CNTNAP4: variants seen among roughly 807,000 people sequenced by gnomAD.
CNTNAP4 encodes the protein contactin associated protein family member 4.
CNTNAP4 carries 98 observed loss-of-function variants against 148.4 expected under a neutral mutation model. The ratio of observed to expected loss-of-function variants is 0.66; its 90% CI spans 0.56 to 0.78. CNTNAP4 has a LOEUF of 0.78. Ranked by LOEUF, CNTNAP4 falls within the 30% of genes least tolerant of loss-of-function variation. The probability of loss-of-function intolerance (pLI) is 0.00; values close to 1 mark genes in which losing one functional copy is unlikely to be tolerated. For synonymous variants in CNTNAP4, 730 were observed against 565.1 expected (o/e 1.29, Z -4.14); for missense variants, 1,935 against 1,565.6 (o/e 1.24, Z -3.98).
chr16:76,539,359 A>G (rs986255269), intron 19 of CNTNAP4, among the ~76,000 whole-genome samples: 1 of 152,086 alleles, frequency 6.6e-6, no homozygotes, highest in Non-Finnish European at 1.5e-5. Flanking sequence ...TATATTTTTT[A>G]AATATAGGAA....
intron 4 of CNTNAP4, among the ~76,000 whole-genome samples, chr16:76,442,404 T>G (rs2080080799): frequency 6.6e-6 from 1 of 152,162 alleles, no homozygotes; most frequent in Non-Finnish European, 1.5e-5. Context: ...TTTACAACAA[T>G]AATAGGAAGC....
chr16:76,302,117 A>G (rs1022034868), intron 1 of CNTNAP4, among the ~76,000 whole-genome samples: 2 of 152,138 alleles, frequency 1.3e-5, no homozygotes, highest in African/African-American at 4.8e-5. Context: ...ACCTATAAGT[A>G]GCCAGGGAAG....
At chr16:76,555,805 G>A (rs2085173912) in intron 23 of CNTNAP4, among the ~76,000 whole-genome samples, 1 of 152,184 alleles carries the variant, frequency 6.6e-6, no homozygotes. Flanking sequence ...CAATATGGAA[G>A]GTTTGTAGTT....
At chr16:76,496,709 C>A (rs181142931) in intron 14 of CNTNAP4, among the ~76,000 whole-genome samples, 1 of 152,078 alleles carries the variant, frequency 6.6e-6, no homozygotes, top group East Asian at 1.9e-4. Context: ...AAAATGAAAT[C>A]TTTAAAGAAT....
At chr16:76,477,391 A>G (rs774607375) in intron 11 of CNTNAP4, among the ~76,000 whole-genome samples, 68 of 152,012 alleles carry the variant, frequency 4.5e-4, no homozygotes, top group Non-Finnish European at 8.7e-4. Flanking sequence ...TATATCCTTG[A>G]TTTAAGGTAA....
At chr16:76,351,706 C>T (rs2011790087) in intron 2 of CNTNAP4, among the ~76,000 whole-genome samples, 1 of 152,114 alleles carries the variant, frequency 6.6e-6, no homozygotes, top group African/African-American at 2.4e-5. Context: ...TTGAAATGTT[C>T]AAGGTCAATT....
At chr16:76,494,665 G>A (rs919778903) in intron 13 of CNTNAP4, among the ~76,000 whole-genome samples, 4 of 151,972 alleles carry the variant, frequency 2.6e-5, no homozygotes, top group Non-Finnish European at 4.4e-5. Flanking sequence ...AGGAACTGCT[G>A]GTTTCTTTTC....
At position 76,377,669 on chromosome 16, in the gene CNTNAP4, G is replaced by A. The variant is rs563627009; in HGVS notation, c.390+22158G>A. 8.5e-5 allele frequency among the ~76,000 whole-genome samples: 13 copies of A among 152,286 alleles called. No individual in the cohort carries two copies. In the East Asian group the frequency reaches 2.1e-3, roughly 25 times the overall value. On this transcript the variant is annotated intron_variant, in intron 3 of 23. Transcript: ENST00000611870. Reference sequence around the variant, plus strand: ...GAGGACCTCAGTCTGGAGGGGCAAAGTTTGCTATCACCAGCTGACACTCAT... The same window carrying A: ...GAGGACCTCAGTCTGGAGGGGCAAAATTTGCTATCACCAGCTGACACTCAT...
intron 12 of CNTNAP4, among the ~76,000 whole-genome samples, chr16:76,480,846 G>T (rs1011002839): frequency 2.6e-5 from 4 of 152,100 alleles, no homozygotes; most frequent in Non-Finnish European, 5.9e-5. Flanking sequence ...ACTCAAGCAG[G>T]GTGTTTGTTT....
At chr16:76,493,557 A>G (rs180698721) in intron 13 of CNTNAP4, among the ~76,000 whole-genome samples, 4 of 152,210 alleles carry the variant, frequency 2.6e-5, no homozygotes, top group East Asian at 1.9e-4. Flanking sequence ...TCTATTTTAT[A>G]GGGAAGACAT....
chr16:76,505,871 G>A (rs1281844602), intron 15 of CNTNAP4, among the ~76,000 whole-genome samples: 2 of 96,464 alleles, frequency 2.1e-5, no homozygotes, highest in East Asian at 1.1e-3. Context: ...CTGCACTACA[G>A]CCTGAGCAGC....
chr16:76,409,958 TCTTA>T (rs1371947593), intron 3 of CNTNAP4, among the ~76,000 whole-genome samples: 1 of 152,016 alleles, frequency 6.6e-6, no homozygotes, highest in Non-Finnish European at 1.5e-5. Context: ...AATCTCTTCA[TCTTA>T]CTTAATTTGG....
intron 3 of CNTNAP4, among the ~76,000 whole-genome samples, chr16:76,416,923 A>G (rs571971638): frequency 9.9e-5 from 15 of 151,408 alleles, no homozygotes; most frequent in South Asian, 2.1e-4. Flanking sequence ...TTATTTTACC[A>G]TCTTGGAAAA....
chr16:76,402,553 C>T (rs2078456603), intron 3 of CNTNAP4, among the ~76,000 whole-genome samples: 1 of 152,014 alleles, frequency 6.6e-6, no homozygotes, highest in South Asian at 2.1e-4. Flanking sequence ...TCTTGATTTC[C>T]TTCAGTTTAG....
chr16:76,286,296 A>C (rs1472706310), intron 1 of CNTNAP4, among the ~76,000 whole-genome samples: 2 of 151,680 alleles, frequency 1.3e-5, no homozygotes, highest in Non-Finnish European at 2.9e-5. Context: ...TAGGTGGCAC[A>C]TTTTGAATTA....
intron 1 of CNTNAP4, among the ~76,000 whole-genome samples, chr16:76,279,634 C>T (rs544923557): frequency 9.9e-5 from 15 of 152,194 alleles, no homozygotes; most frequent in South Asian, 2.1e-4. Flanking sequence ...AAAACCTATA[C>T]GATTTTTCAT....
rs1958517557 is a variant in CNTNAP4, at chr16:76,277,449, A to G, written c.-214A>G. 3.7e-6 allele frequency: 2 copies of G among 537,588 alleles called. No homozygotes were observed. The highest frequency in any genetic ancestry group is 6.6e-6 in the Non-Finnish European group (2 of 302,072). 33.3% of individuals were successfully genotyped at this position (537,588 alleles called of 1,614,324 possible). The stretch of plus-strand genomic sequence containing the variant: ...GGTGTGTGTGAGAGAGAGAGAGAAA[A>G]GAGAGAGACAGAGACGGGGAGAGAG... On this transcript the variant is annotated 5_prime_UTR_variant, in exon 1 of 24. Transcript: ENST00000611870.
chr16:76,525,459 A>T (rs985784629), intron 17 of CNTNAP4, among the ~76,000 whole-genome samples: 1 of 149,028 alleles, frequency 6.7e-6, no homozygotes, highest in African/African-American at 2.4e-5. Flanking sequence ...GAAAAAATGT[A>T]TATAATATAG....
At chr16:76,341,797 C>T (rs968085293) in intron 2 of CNTNAP4, among the ~76,000 whole-genome samples, 2 of 151,866 alleles carry the variant, frequency 1.3e-5, no homozygotes, top group Non-Finnish European at 2.9e-5. Context: ...GGATGTAAAG[C>T]AAGAGAAAAT....
Sources: allele counts gnomAD v4.1 joint callset (sites outside exome capture counted in the v4.1 genomes callset), GRCh38; gene constraint gnomAD v4.1.1; transcripts MANE v1.5; gene names NCBI Gene and HGNC (gene_info 2026-07-23, HGNC 2026-07-21).